Variants in GSAP observed in about 807,000 individuals in gnomAD.
GSAP encodes gamma-secretase-activating protein.
In GSAP, 118 loss-of-function variants were observed where a neutral mutation model predicts 131.7. That is an observed-to-expected ratio of 0.90 (90% confidence interval 0.77 to 1.04). The LOEUF (loss-of-function observed/expected upper bound fraction) is 1.04. Among genes scored for constraint, GSAP ranks in the 50% least tolerant of loss-of-function variants. GSAP has a pLI of 0.00. For missense variants in GSAP, 1,019 were observed against 1,013.2 expected, an observed-to-expected ratio of 1.01 and a Z score of -0.08; for synonymous variants, 381 against 363.4, an observed-to-expected ratio of 1.05 and a Z score of -0.55.
At chr7:77,376,417 C>T (rs115440196) in intron 10 of GSAP, among the ~76,000 whole-genome samples, 1,737 of 152,236 alleles carry the variant, frequency 0.011, 32 homozygotes, top group African/African-American at 0.04. Flanking sequence ...CTTGCTCATA[C>T]GAGTAACTAA....
At chr7:77,330,117 CAA>C in intron 20 of GSAP, 120 bp downstream of exon 20, 4 of 1,161,038 alleles carry the variant, frequency 3.4e-6, no homozygotes, top group South Asian at 3.4e-5. Context: ...TGACAATGAT[CAA>C]GTCCCTGGCA....
At chr7:77,366,790 G>T (rs1289215588) in intron 12 of GSAP, among the ~76,000 whole-genome samples, 1 of 152,160 alleles carries the variant, frequency 6.6e-6, no homozygotes, top group African/African-American at 2.4e-5. Context: ...GATAGGAATA[G>T]CATTGAATCT....
intron 19 of GSAP, chr7:77,330,957 T>C (rs1325117721): frequency 1.7e-6 from 1 of 584,682 alleles, no homozygotes; most frequent in African/African-American, 2.0e-5. Flanking sequence ...ATAATTGTAC[T>C]ACCCTGAAGC....
At chr7:77,330,114 G>T in intron 20 of GSAP, 125 bp downstream of exon 20, 2 of 1,143,722 alleles carry the variant, frequency 1.7e-6, no homozygotes, top group Non-Finnish European at 1.2e-6. Context: ...TAATGACAAT[G>T]ATCAAGTCCC....
At chr7:77,355,911 C>T (rs1011815686) in intron 14 of GSAP, among the ~76,000 whole-genome samples, 2 of 151,568 alleles carry the variant, frequency 1.3e-5, no homozygotes, top group African/African-American at 4.8e-5. Flanking sequence ...CCACCTCAGC[C>T]TCCCAAGTAG....
At position 77,360,838 on chromosome 7, in the gene GSAP, G is replaced by A; in HGVS notation, c.1013C>T (p.Thr338Ile). 1.3e-6 allele frequency: 2 copies of A among 1,585,642 alleles called. No individual in the cohort carries two copies. Among genetic ancestry groups the A allele is most frequent in the Admixed American group, 1.7e-5 (1 of 59,956 alleles). The part of the protein sequence containing the change: ...NVGSHMTKGI[T>I]FLNLDYYVAV... ...CCATCACTCACCAAGGTTGAGAAAA[G>A]TAATGCCCTTTGTCATGTGTGACCC... The change falls in exon 14 of 31, where the codon ACT becomes ATT. Residue 338 changes from threonine (T) to isoleucine (I), a missense_variant. By Grantham distance (89) the Thr-to-Ile change is moderately conservative. Coordinates refer to ENST00000257626, the MANE Select transcript of GSAP (RefSeq NM_017439.4).
At chr7:77,414,604 C>T (rs544012195) in intron 1 of GSAP, among the ~76,000 whole-genome samples, 4 of 152,024 alleles carry the variant, frequency 2.6e-5, no homozygotes, top group Admixed American at 6.6e-5. Context: ...CAGAGATGAG[C>T]GAAAGATACA....
At chr7:77,405,889 A>G (rs752853393) in intron 2 of GSAP, 140 bp downstream of exon 2, 57 of 308,384 alleles carry the variant, frequency 1.8e-4, no homozygotes, top group Non-Finnish European at 3.1e-4. Context: ...ACACAAAGTC[A>G]TATGTTAAGA....
At chr7:77,358,837 TAAAGTTTTAGTTGAAATAA>T in intron 14 of GSAP, among the ~76,000 whole-genome samples, 1 of 152,314 alleles carries the variant, frequency 6.6e-6, no homozygotes, top group African/African-American at 2.4e-5. Flanking sequence ...AAACACTTGA[TAAAGTTTTAGTTGAAATAA>T]AATGCTAAGA....
chr7:77,402,549 G>A (rs1210647061), intron 3 of GSAP, among the ~76,000 whole-genome samples: 1 of 124,554 alleles, frequency 8.0e-6, no homozygotes, highest in Non-Finnish European at 1.6e-5. Context: ...GAGCTGAGAT[G>A]GCGCCACTGC....
At chr7:77,387,133 T>A (rs1422825478) in intron 6 of GSAP, among the ~76,000 whole-genome samples, 2 of 152,246 alleles carry the variant, frequency 1.3e-5, no homozygotes, top group Non-Finnish European at 2.9e-5. Context: ...TATTTTATCA[T>A]GAGAAAATAT....
chr7:77,406,623 A>G (rs1802312432), intron 1 of GSAP, among the ~76,000 whole-genome samples: 1 of 152,226 alleles, frequency 6.6e-6, no homozygotes, highest in Non-Finnish European at 1.5e-5. Context: ...GCTTTTAATC[A>G]CTTACTGTGA....
chr7:77,372,729 A>G (rs1045601479), intron 12 of GSAP, among the ~76,000 whole-genome samples: 13 of 152,370 alleles, frequency 8.5e-5, no homozygotes, highest in African/African-American at 3.1e-4. Context: ...CTCAAAATAA[A>G]TTGTATAGTA....
In GSAP at chr7:77,353,622, T is replaced by C; in HGVS notation, c.1358A>G (p.Glu453Gly). The change falls in exon 17 of 31, where the codon GAG becomes GGG. Residue 453 changes from glutamate to glycine, a missense_variant. Glu to Gly is a moderately conservative substitution (Grantham distance 98, BLOSUM62 -2). Transcript: ENST00000257626. Reference protein sequence around the residue: ...LEAQIIQWISENVSACHSFDL... With the variant: ...LEAQIIQWISGNVSACHSFDL... ...AAATGAATGGCAGGCAGAGACATTCTCAGAAATCCACTGAATAATCTTTAA... is the reference window on the plus strand; with the variant it reads ...AAATGAATGGCAGGCAGAGACATTCCCAGAAATCCACTGAATAATCTTTAA... 6.2e-7 allele frequency: 1 copy of C among 1,609,418 alleles called. No homozygotes were observed. Among genetic ancestry groups the C allele is most frequent in the East Asian group, 2.2e-5 (1 of 44,788 alleles).
At chr7:77,389,347 G>T (rs1799079941) in intron 5 of GSAP, among the ~76,000 whole-genome samples, 1 of 146,394 alleles carries the variant, frequency 6.8e-6, no homozygotes. Flanking sequence ...TTCCATCCTG[G>T]TTAACATAGT....
At chr7:77,359,441 G>A (rs996379658) in intron 14 of GSAP, among the ~76,000 whole-genome samples, 3 of 151,920 alleles carry the variant, frequency 2.0e-5, no homozygotes, top group African/African-American at 7.3e-5. Context: ...GAAGTGTCTG[G>A]GGTTCATGGA....
Position 77,355,254 on chromosome 7 carries a change from C to T in GSAP, c.1297G>A (p.Ala433Thr), listed in dbSNP as rs201931692. ...TGCGCACCTTGACCGCAGTAGAGCG[C>T]GCAGTGCAACGCAGCCATCTTCTCA... ...DCEKMAALHC[A>T]LYCGQGAQFL... The change falls in exon 16 of 31, where the codon GCG becomes ACG. Residue 433 changes from alanine to threonine, a missense_variant. By Grantham distance (58) the Ala-to-Thr change is moderately conservative (BLOSUM62 0). Transcript: ENST00000257626. The T allele has an allele frequency of 6.8e-6, 11 of 1,613,878 alleles. No homozygotes were observed. Among genetic ancestry groups the T allele is most frequent in the South Asian group, 1.1e-5 (1 of 91,090 alleles).
At chr7:77,331,007 G>T (rs1032981455) in intron 19 of GSAP, among the ~76,000 whole-genome samples, 9 of 152,186 alleles carry the variant, frequency 5.9e-5, no homozygotes, top group Non-Finnish European at 1.0e-4. Context: ...ATAATAAAAT[G>T]CAATGTTAAT....
intron 3 of GSAP, among the ~76,000 whole-genome samples, chr7:77,403,587 G>T (rs772231131): frequency 6.6e-6 from 1 of 152,140 alleles, no homozygotes; most frequent in Non-Finnish European, 1.5e-5. Flanking sequence ...TAAGGAAAGG[G>T]GTTCCTTGTC....
Sources: allele counts gnomAD v4.1 joint callset (sites outside exome capture counted in the v4.1 genomes callset), GRCh38; gene constraint gnomAD v4.1.1; transcripts MANE v1.5; gene names NCBI Gene and HGNC (gene_info 2026-07-23, HGNC 2026-07-21).